Variants in COL5A2 observed in about 807,000 individuals in gnomAD.
COL5A2 encodes collagen alpha-2(V) chain.
Under a neutral mutation model 208.2 loss-of-function variants are expected in COL5A2, and 23 were observed. That is an observed-to-expected ratio of 0.11 (90% CI 0.08 to 0.16). COL5A2 has a LOEUF of 0.16. Ranked by LOEUF, COL5A2 falls within the 10% of genes least tolerant of loss-of-function variation. The probability of loss-of-function intolerance (pLI) is 1.00; values close to 1 mark genes in which losing one functional copy is unlikely to be tolerated. For synonymous variants in COL5A2, 625 were observed against 628.5 expected (o/e 0.99, Z 0.08); for missense variants, 1,590 against 1,956.4 (o/e 0.81, Z 3.53).
At chr2:189,114,514 A>G (rs1392924406) in intron 1 of COL5A2, among the ~76,000 whole-genome samples, 1 of 152,140 alleles carries the variant, frequency 6.6e-6, no homozygotes, top group Non-Finnish European at 1.5e-5. Context: ...AGTATAAAAT[A>G]ACAAAAATTT....
intron 1 of COL5A2, among the ~76,000 whole-genome samples, chr2:189,115,002 T>C (rs532021997): frequency 6.6e-6 from 1 of 152,306 alleles, no homozygotes; most frequent in African/African-American, 2.4e-5. Flanking sequence ...CTGGTAGAAA[T>C]CTGATAATAC....
At chr2:189,248,145 A>G in the COL5A2 span, among the ~76,000 whole-genome samples, 1 of 152,352 alleles carries the variant, frequency 6.6e-6, no homozygotes, top group East Asian at 1.9e-4. Context: ...TCAAGCCACA[A>G]AACGTTATAG....
intron 1 of COL5A2, among the ~76,000 whole-genome samples, chr2:189,185,296 T>G (rs1418444438): frequency 6.6e-6 from 1 of 152,230 alleles, no homozygotes; most frequent in African/African-American, 2.4e-5. Flanking sequence ...GTGCTGGGAT[T>G]ACAGGCGTGA....
chr2:189,327,118 TA>T, the COL5A2 span, among the ~76,000 whole-genome samples: 23 of 151,264 alleles, frequency 1.5e-4, no homozygotes, highest in Non-Finnish European at 3.2e-4. Context: ...AATGAAAAAA[TA>T]AAAAAGTGAA....
At chr2:189,040,662 T>C (rs1294027294) in intron 50 of COL5A2, among the ~76,000 whole-genome samples, 1 of 152,200 alleles carries the variant, frequency 6.6e-6, no homozygotes, top group African/African-American at 2.4e-5. Flanking sequence ...TACATAATTT[T>C]TTTTTCTTCC....
At chr2:189,308,745 T>C in the COL5A2 span, among the ~76,000 whole-genome samples, 2 of 152,178 alleles carry the variant, frequency 1.3e-5, no homozygotes, top group Admixed American at 6.5e-5. Context: ...TTTGACTCCA[T>C]CTGTGACCTG....
chr2:189,198,378 T>C (rs1025135236), intron 1 of COL5A2, among the ~76,000 whole-genome samples: 2 of 152,188 alleles, frequency 1.3e-5, no homozygotes, highest in Non-Finnish European at 2.9e-5. Context: ...CAGTGATAAT[T>C]TGATTATAAG....
intron 11 of COL5A2, 90 bp from the exon 12 acceptor site, chr2:189,084,127 A>G (rs1440513827): frequency 1.1e-6 from 1 of 903,098 alleles, no homozygotes; most frequent in Non-Finnish European, 1.8e-6. Context: ...TTACTAATAA[A>G]ACAGTCTTCT....
the COL5A2 span, among the ~76,000 whole-genome samples, chr2:189,384,578 C>T: frequency 0.85 from 129,915 of 152,132 alleles, 56,609 homozygotes; most frequent in Non-Finnish European, 0.95. Context: ...GCAGATCTTT[C>T]CCTCATTTTA....
Position 189,110,244 on chromosome 2 carries a change from T to C in COL5A2, c.303A>G (p.Gly101=). Residue 101 remains glycine (G), a synonymous_variant, in exon 2 of 54, where the codon GGA becomes GGG. Transcript: ENST00000374866. ...ECCPVCSQTP[G]GGNTNFGRGR... ...TCTTACCAAAATTGGTATTGCCACC[T>C]CCAGGTGTTTGTGAACAGACAGGAC... 5 of 1,613,754 alleles carry C rather than the reference T, an allele frequency of 3.1e-6. No individual in the cohort carries two copies. Among genetic ancestry groups the C allele is most frequent in the Non-Finnish European group, 4.2e-6 (5 of 1,179,734 alleles).
In COL5A2 at chr2:189,121,554, A is replaced by G. The variant is rs141171097; in HGVS notation, c.98-11105T>C. 5.5e-3 allele frequency among the ~76,000 whole-genome samples: 834 copies of G among 152,186 alleles called. 2 individuals are homozygous for G. The highest frequency in any genetic ancestry group is 0.01 in the Middle Eastern group (3 of 294). On this transcript the variant is annotated intron_variant, in intron 1 of 53. Transcript: ENST00000374866. Reference sequence around the variant, plus strand: ...GGGCCAGCAGTCCAGAAGCCAAGACAGTGGTGCACAGCAACATGGCAGGAA... The same window carrying G: ...GGGCCAGCAGTCCAGAAGCCAAGACGGTGGTGCACAGCAACATGGCAGGAA...
chr2:189,434,510 A>T, the COL5A2 span, among the ~76,000 whole-genome samples: 7 of 152,308 alleles, frequency 4.6e-5, no homozygotes, highest in Admixed American at 2.6e-4. Context: ...ATGTGCAAAA[A>T]TCATGAGCAT....
At chr2:189,418,109 T>C in the COL5A2 span, among the ~76,000 whole-genome samples, 1 of 152,132 alleles carries the variant, frequency 6.6e-6, no homozygotes, top group Non-Finnish European at 1.5e-5. Context: ...ATGACTGATT[T>C]ATGAACTCAC....
At chr2:189,414,521 C>T in the COL5A2 span, among the ~76,000 whole-genome samples, 3 of 151,650 alleles carry the variant, frequency 2.0e-5, no homozygotes, top group East Asian at 1.9e-4. Context: ...TTTGGGAGGC[C>T]GAGGATCACT....
the COL5A2 span, among the ~76,000 whole-genome samples, chr2:189,332,739 C>G: frequency 1.3e-5 from 2 of 152,166 alleles, no homozygotes; most frequent in East Asian, 3.8e-4. Flanking sequence ...AAATTACCCA[C>G]TCTTGGTATG....
In COL5A2 at chr2:189,172,533, T is replaced by C. The variant is rs890411995; in HGVS notation, c.97+6975A>G. On this transcript the variant is annotated intron_variant, in intron 1 of 53. Coordinates refer to ENST00000374866, the MANE Select transcript of COL5A2 (RefSeq NM_000393.5). ...ATCAGATGACAAAGGTGCATACTAT[T>C]TCCTCAATATTTCAGATGAGGACAC... is the stretch of plus-strand genomic sequence containing the variant. 7.9e-5 allele frequency among the ~76,000 whole-genome samples: 12 copies of C among 152,310 alleles called. No homozygotes were observed. The East Asian group carries it at 2.1e-3, about 27-fold the overall frequency.
At chr2:189,263,000 G>A in the COL5A2 span, among the ~76,000 whole-genome samples, 1 of 152,008 alleles carries the variant, frequency 6.6e-6, no homozygotes, top group Non-Finnish European at 1.5e-5. Context: ...AAAATAATTG[G>A]TGTTTGCATA....
chr2:189,145,028 T>C (rs1317113516), intron 1 of COL5A2, among the ~76,000 whole-genome samples: 1 of 152,182 alleles, frequency 6.6e-6, no homozygotes, highest in Non-Finnish European at 1.5e-5. Flanking sequence ...AAGCCCGAGC[T>C]GACCTAGTCT....
intron 36 of COL5A2, 24 bp downstream of exon 36, chr2:189,054,135 A>G (rs1281762029): frequency 6.2e-7 from 1 of 1,608,314 alleles, no homozygotes; most frequent in South Asian, 1.1e-5. Flanking sequence ...TTTTGAGTGT[A>G]CAAATTAACA....
Sources: allele counts gnomAD v4.1 joint callset (sites outside exome capture counted in the v4.1 genomes callset), GRCh38; gene constraint gnomAD v4.1.1; transcripts MANE v1.5; gene names NCBI Gene and HGNC (gene_info 2026-07-23, HGNC 2026-07-21).